The following TLN2 variants were observed in gnomAD, a reference collection of about 807,000 sequenced individuals.
The protein encoded by TLN2 is talin 2.
A neutral mutation model predicts 294.7 loss-of-function variants in TLN2; 118 were observed. The ratio of observed to expected loss-of-function variants is 0.40; its 90% CI spans 0.34 to 0.47. The LOEUF (loss-of-function observed/expected upper bound fraction) is 0.47. Among genes scored for constraint, TLN2 ranks in the 20% least tolerant of loss-of-function variants. The pLI is 0.84. For synonymous variants in TLN2, 1,431 were observed against 1,304.5 expected, an observed-to-expected ratio of 1.10 and a Z score of -2.09; for missense variants, 3,083 against 3,282.2, an observed-to-expected ratio of 0.94 and a Z score of 1.48.
chr15:62,422,523 C>G (rs916394960), intron 1 of TLN2, among the ~76,000 whole-genome samples: 1 of 152,168 alleles, frequency 6.6e-6, no homozygotes, highest in African/African-American at 2.4e-5. Flanking sequence ...ATTATCTGAG[C>G]ATTAGGCCAT....
intron 52 of TLN2, among the ~76,000 whole-genome samples, chr15:62,814,602 AT>A (rs548317584): frequency 5.3e-5 from 8 of 152,268 alleles, no homozygotes; most frequent in African/African-American, 9.6e-5. Flanking sequence ...ATGTTCATAT[AT>A]TTTTTTCCTT....
At chr15:62,724,334 A>G (rs189035483) in intron 26 of TLN2, among the ~76,000 whole-genome samples, 208 of 152,304 alleles carry the variant, frequency 1.4e-3, no homozygotes, top group East Asian at 9.7e-4. Context: ...AGAAATGAAA[A>G]TGTACCAGTA....
intron 51 of TLN2, among the ~76,000 whole-genome samples, chr15:62,806,221 G>A (rs1427343825): frequency 2.6e-5 from 4 of 152,064 alleles, no homozygotes; most frequent in African/African-American, 9.7e-5. Context: ...CGCTGAATAT[G>A]GCATACGCAC....
chr15:62,660,518 T>C (rs753281621), intron 9 of TLN2, among the ~76,000 whole-genome samples: 47 of 152,226 alleles, frequency 3.1e-4, no homozygotes, highest in Non-Finnish European at 6.0e-4. Context: ...CATGACAGTT[T>C]TCCTCAGGTC....
At chr15:62,403,217 C>CAA (rs1177340470) in intron 1 of TLN2, among the ~76,000 whole-genome samples, 2 of 123,666 alleles carry the variant, frequency 1.6e-5, no homozygotes, top group East Asian at 4.4e-4. Flanking sequence ...GACTCCATCT[C>CAA]AAAAAAAAAA....
rs777681033 is a variant in TLN2 at position 62,835,992 on chromosome 15, G to T, written c.7293G>T (p.Gln2431His). 8 of 1,613,772 alleles carry T rather than the reference G, an allele frequency of 5.0e-6. No individual in the cohort carries two copies. The highest frequency in any genetic ancestry group is 1.7e-5 in the Admixed American group (1 of 59,980). ...AGAAGCTCATCTCATCTGCCAAGCA[G>T]GTCGCCGCTTCCACGGCTCAGCTGC... ...SEEKLISSAK[Q>H]VAASTAQLLV... Residue 2431 changes from glutamine to histidine, a missense_variant, in exon 57 of 59, where the codon CAG becomes CAT. By Grantham distance (24) the Gln-to-His change is conservative. Transcript: ENST00000636159.
At chr15:62,667,815 T>C (rs1248584114) in intron 9 of TLN2, among the ~76,000 whole-genome samples, 1 of 152,208 alleles carries the variant, frequency 6.6e-6, no homozygotes, top group Non-Finnish European at 1.5e-5. Flanking sequence ...GCTTAAATTT[T>C]ACATAAGAAA....
chr15:62,690,888 C>T (rs1459205383), intron 12 of TLN2, among the ~76,000 whole-genome samples: 1 of 151,710 alleles, frequency 6.6e-6, no homozygotes, highest in Admixed American at 6.5e-5. Flanking sequence ...GCGGTGCGCG[C>T]CTGCAATCGC....
chr15:62,712,115 T>C (rs745870180), intron 22 of TLN2, 38 bp downstream of exon 22: 3 of 1,596,588 alleles, frequency 1.9e-6, no homozygotes, highest in African/African-American at 2.7e-5. Flanking sequence ...AAGTGAACAC[T>C]ATTAAGTGTT....
chr15:62,720,239 T>C (rs559390058), intron 25 of TLN2, among the ~76,000 whole-genome samples: 2 of 152,356 alleles, frequency 1.3e-5, no homozygotes, highest in South Asian at 4.1e-4. Flanking sequence ...CTAATGCCAT[T>C]GTTCATGGAC....
chr15:62,829,961 T>G (rs1391123920), intron 54 of TLN2: 1 of 152,228 alleles, frequency 6.6e-6, no homozygotes, highest in Non-Finnish European at 1.5e-5. Flanking sequence ...TGGTTGCAAA[T>G]GGCAGGATCT....
At chr15:62,663,200 C>A (rs992162134) in intron 9 of TLN2, among the ~76,000 whole-genome samples, 1 of 151,526 alleles carries the variant, frequency 6.6e-6, no homozygotes, top group Admixed American at 6.6e-5. Context: ...TTACCATGTG[C>A]GATTTTTTTT....
rs544788689 is a variant in TLN2, at chr15:62,690,121, G to A, written c.1114-2719G>A. ...GCTGACCCCCCCCCACCTCCCTCCC[G>A]GACGGGGCGGCTGGCCAGGCAGGGG... On this transcript the variant is annotated intron_variant, in intron 12 of 58. Coordinates refer to ENST00000636159, the MANE Select transcript of TLN2 (RefSeq NM_015059.3). The A allele has an allele frequency of 3.1e-4, 44 of 140,804 alleles. 1 individual carries two copies. The highest frequency in any genetic ancestry group is 2.6e-3 in the East Asian group (11 of 4,252). The allele number at this position is 140,804 out of a possible 1,614,324, so 8.7% of individuals were successfully genotyped here.
intron 1 of TLN2, among the ~76,000 whole-genome samples, chr15:62,498,330 T>C (rs2039125765): frequency 6.6e-6 from 1 of 152,228 alleles, no homozygotes. Context: ...AGGCTGACCC[T>C]AAACATTTGT....
intron 51 of TLN2, among the ~76,000 whole-genome samples, chr15:62,806,417 C>T (rs2066291236): frequency 6.6e-6 from 1 of 152,184 alleles, no homozygotes; most frequent in Non-Finnish European, 1.5e-5. Flanking sequence ...GTTCCAGCTC[C>T]TCCAAATGGA....
At chr15:62,473,174 A>G (rs1217207178) in intron 1 of TLN2, among the ~76,000 whole-genome samples, 1 of 152,128 alleles carries the variant, frequency 6.6e-6, no homozygotes, top group Non-Finnish European at 1.5e-5. Context: ...TTAAAAATGA[A>G]AGTGTATTTA....
chr15:62,678,096 A>G (rs2056437223), intron 11 of TLN2, among the ~76,000 whole-genome samples: 1 of 152,032 alleles, frequency 6.6e-6, no homozygotes, highest in African/African-American at 2.4e-5. Flanking sequence ...CCCCTGGCCA[A>G]GCACTTGCAA....
intron 52 of TLN2, among the ~76,000 whole-genome samples, chr15:62,812,768 G>A (rs1033268611): frequency 1.4e-4 from 21 of 152,272 alleles, no homozygotes; most frequent in Admixed American, 5.9e-4. Context: ...ATAAGACAAG[G>A]CTGTCTTGTG....
At chr15:62,714,465 G>T (rs1005609921) in intron 22 of TLN2, among the ~76,000 whole-genome samples, 3 of 152,066 alleles carry the variant, frequency 2.0e-5, no homozygotes, top group Non-Finnish European at 4.4e-5. Context: ...GCCTCCCAAA[G>T]TGCTGGGATT....
Sources: allele counts gnomAD v4.1 joint callset (sites outside exome capture counted in the v4.1 genomes callset), GRCh38; gene constraint gnomAD v4.1.1; transcripts MANE v1.5; gene names NCBI Gene and HGNC (gene_info 2026-07-23, HGNC 2026-07-21).